MBD5: variants seen among roughly 807,000 people sequenced by gnomAD.
MBD5 encodes methyl-CpG-binding domain protein 5.
A neutral mutation model predicts 117.3 loss-of-function variants in MBD5; 13 were observed. The observed-to-expected ratio is 0.11, with a 90% confidence interval of 0.07 to 0.18. The LOEUF (loss-of-function observed/expected upper bound fraction) is 0.18. Ranked by LOEUF, MBD5 falls within the 10% of genes least tolerant of loss-of-function variation. The pLI is 1.00. For missense variants in MBD5, 1,879 were observed against 2,093.8 expected, an observed-to-expected ratio of 0.90 and a Z score of 2.00; for synonymous variants, 727 against 766.4, an observed-to-expected ratio of 0.95 and a Z score of 0.85.
At chr2:148,386,718 C>CA (rs60766324) in intron 4 of MBD5, among the ~76,000 whole-genome samples, 10,223 of 103,134 alleles carry the variant, frequency 0.099, 755 homozygotes, top group Non-Finnish European at 0.14. Flanking sequence ...GACTCCGTCT[C>CA]AAAAAAAAAA....
intron 3 of MBD5, among the ~76,000 whole-genome samples, chr2:148,339,172 G>A (rs564304721): frequency 9.2e-5 from 14 of 152,298 alleles, no homozygotes; most frequent in African/African-American, 3.4e-4. Context: ...ATAGCATTCT[G>A]AAGGCAGAGG....
chr2:148,323,113 G>A (rs1384667541), intron 3 of MBD5, among the ~76,000 whole-genome samples: 1 of 151,344 alleles, frequency 6.6e-6, no homozygotes, highest in Admixed American at 6.6e-5. Flanking sequence ...TTTTGTTCTT[G>A]CGATAGTTTA....
chr2:148,275,926 T>C (rs1701101621), intron 3 of MBD5, among the ~76,000 whole-genome samples: 1 of 152,208 alleles, frequency 6.6e-6, no homozygotes, highest in African/African-American at 2.4e-5. Context: ...TCTGATTTTA[T>C]ATTTTTCATA....
At chr2:148,350,094 A>G (rs143861881) in intron 4 of MBD5, among the ~76,000 whole-genome samples, 41 of 152,002 alleles carry the variant, frequency 2.7e-4, no homozygotes, top group African/African-American at 9.6e-4. Context: ...CCCATAACCT[A>G]AGGACAATTT....
intron 3 of MBD5, among the ~76,000 whole-genome samples, chr2:148,249,194 T>G (rs1479283703): frequency 6.6e-6 from 1 of 152,174 alleles, no homozygotes; most frequent in Non-Finnish European, 1.5e-5. Flanking sequence ...TGCAAATTAG[T>G]GAAGACATTC....
At chr2:148,389,671 C>G (rs1367025182) in intron 4 of MBD5, among the ~76,000 whole-genome samples, 4 of 151,994 alleles carry the variant, frequency 2.6e-5, no homozygotes, top group Non-Finnish European at 4.4e-5. Context: ...ATTTGTATCT[C>G]CCTGATGATT....
At chr2:148,105,405 G>T (rs933951964) in intron 1 of MBD5, among the ~76,000 whole-genome samples, 6 of 152,016 alleles carry the variant, frequency 3.9e-5, no homozygotes, top group African/African-American at 7.2e-5. Context: ...TTTTAGTAGA[G>T]ATGGGGTTTC....
intron 4 of MBD5, among the ~76,000 whole-genome samples, chr2:148,446,170 C>T (rs1178534613): frequency 1.3e-5 from 2 of 151,484 alleles, no homozygotes; most frequent in Non-Finnish European, 2.9e-5. Flanking sequence ...GCTTTTGTTG[C>T]CATTGCTTTC....
At chr2:148,032,731 A>T (rs1324370745) in intron 1 of MBD5, among the ~76,000 whole-genome samples, 1 of 152,138 alleles carries the variant, frequency 6.6e-6, no homozygotes, top group African/African-American at 2.4e-5. Context: ...ATTATAAAAG[A>T]TTTGTGTTAT....
intron 3 of MBD5, among the ~76,000 whole-genome samples, chr2:148,248,168 C>G (rs200285285): frequency 1.3e-5 from 2 of 152,078 alleles, no homozygotes; most frequent in African/African-American, 4.8e-5. Context: ...CTTAAGGTCC[C>G]GTCAGTACGG....
chr2:148,107,118 T>C (rs1178815206), intron 1 of MBD5, among the ~76,000 whole-genome samples: 1 of 152,052 alleles, frequency 6.6e-6, no homozygotes, highest in African/African-American at 2.4e-5. Context: ...TCAATCCTTA[T>C]TTATCTCCAA....
rs1421373119 is a variant in MBD5 at position 148,483,237 on chromosome 2, G to A, written c.2646G>A (p.Gln882=). Residue 882 remains glutamine, a synonymous_variant, in exon 9 of 14, where the codon CAG becomes CAA. Coordinates refer to ENST00000642680, the MANE Select transcript of MBD5 (RefSeq NM_001378120.1). ...CAGCTGGAAACCCACTGCAGAGTCA[G>A]CTACCCATTGGGAGTGATTTTCCTT... ...TTAAGNPLQS[Q]LPIGSDFPFV... is the part of the protein sequence containing the mutation. 2.5e-6 allele frequency: 4 copies of A among 1,614,046 alleles called. No homozygotes were observed. The highest frequency in any genetic ancestry group is 3.3e-5 in the Admixed American group (2 of 60,006).
intron 3 of MBD5, among the ~76,000 whole-genome samples, chr2:148,308,994 T>C (rs2106518501): frequency 6.6e-6 from 1 of 152,248 alleles, no homozygotes; most frequent in East Asian, 1.9e-4. Flanking sequence ...GAGGCCTCTG[T>C]TCCGTTTCAT....
At chr2:148,391,928 A>AT in intron 4 of MBD5, among the ~76,000 whole-genome samples, 1 of 152,188 alleles carries the variant, frequency 6.6e-6, no homozygotes, top group Middle Eastern at 3.4e-3. Flanking sequence ...TGTGTGCACA[A>AT]TTTTTTCCTG....
Position 148,266,818 on chromosome 2 carries a change from A to C in MBD5, c.-680+33423A>C, listed in dbSNP as rs776608838. ...AAACTATAAAACTTTGCTGAGAGAC[A>C]TTTAAACAAATAGACTGGTAAGACT... On this transcript the variant is annotated intron_variant, in intron 3 of 13. Coordinates refer to ENST00000642680, the MANE Select transcript of MBD5 (RefSeq NM_001378120.1). 4.0e-4 allele frequency among the ~76,000 whole-genome samples: 61 copies of C among 152,294 alleles called. 1 individual carries two copies. In the Middle Eastern group the frequency reaches 0.014, roughly 34 times the overall value.
At chr2:148,355,854 A>G (rs1703368233) in intron 4 of MBD5, among the ~76,000 whole-genome samples, 1 of 152,130 alleles carries the variant, frequency 6.6e-6, no homozygotes, top group South Asian at 2.1e-4. Context: ...GCATTTGAAT[A>G]GTATTGAATC....
chr2:148,223,596 T>C (rs1699746604), intron 2 of MBD5, among the ~76,000 whole-genome samples: 1 of 152,154 alleles, frequency 6.6e-6, no homozygotes, highest in Non-Finnish European at 1.5e-5. Context: ...TGTCGTATCA[T>C]TTGTAATGTC....
intron 4 of MBD5, among the ~76,000 whole-genome samples, chr2:148,429,107 G>A (rs1414593662): frequency 6.6e-6 from 1 of 151,982 alleles, no homozygotes; most frequent in African/African-American, 2.4e-5. Flanking sequence ...CTCACAAAGG[G>A]CTAATATCCA....
At chr2:148,050,630 T>TCA (rs1453573157) in intron 1 of MBD5, among the ~76,000 whole-genome samples, 8 of 152,154 alleles carry the variant, frequency 5.3e-5, no homozygotes, top group Non-Finnish European at 1.2e-4. Context: ...TATTCCAAGG[T>TCA]TATGAAAATT....
Sources: allele counts gnomAD v4.1 joint callset (sites outside exome capture counted in the v4.1 genomes callset), GRCh38; gene constraint gnomAD v4.1.1; transcripts MANE v1.5; gene names NCBI Gene and HGNC (gene_info 2026-07-23, HGNC 2026-07-21).